Variants in DOCK2 observed in about 807,000 individuals in gnomAD.
The protein encoded by DOCK2 is dedicator of cytokinesis 2, also known as dedicator of cytokinesis protein 2.
A neutral mutation model predicts 248.9 loss-of-function variants in DOCK2; 87 were observed. The ratio of observed to expected loss-of-function variants is 0.35; its 90% CI spans 0.29 to 0.42. DOCK2 has a LOEUF of 0.42. Among genes scored for constraint, DOCK2 ranks in the 10% least tolerant of loss-of-function variants. The pLI is 1.00. For synonymous variants in DOCK2, 805 were observed against 821.6 expected (o/e 0.98, Z 0.35); for missense variants, 1,747 against 2,300.2 (o/e 0.76, Z 4.92).
chr5:169,686,361 G>A (rs985777644), intron 8 of DOCK2, among the ~76,000 whole-genome samples: 1 of 152,230 alleles, frequency 6.6e-6, no homozygotes, highest in Non-Finnish European at 1.5e-5. Flanking sequence ...ATGAATCAGC[G>A]AGGTGGCAGC....
At chr5:169,801,716 A>G (rs959881575) in intron 25 of DOCK2, among the ~76,000 whole-genome samples, 3 of 151,860 alleles carry the variant, frequency 2.0e-5, no homozygotes, top group Non-Finnish European at 4.4e-5. Context: ...TGCCAGAAGG[A>G]GTGGGTGTAG....
intron 26 of DOCK2, among the ~76,000 whole-genome samples, chr5:169,836,014 C>T (rs1348390063): frequency 6.6e-6 from 1 of 152,176 alleles, no homozygotes; most frequent in Non-Finnish European, 1.5e-5. Flanking sequence ...CCTGGGTCTC[C>T]CAAAGTGCTG....
chr5:169,739,314 G>A (rs1055213509), intron 22 of DOCK2, among the ~76,000 whole-genome samples: 20 of 152,176 alleles, frequency 1.3e-4, no homozygotes, highest in African/African-American at 4.1e-4. Context: ...TAATTGTAGA[G>A]GGAAAATGGC....
intron 2 of DOCK2, among the ~76,000 whole-genome samples, chr5:169,656,198 T>C (rs2113193465): frequency 6.6e-6 from 1 of 152,218 alleles, no homozygotes; most frequent in South Asian, 2.1e-4. Context: ...GCAGCAACTC[T>C]CCTCAGTGCC....
chr5:169,734,242 T>A (rs897360740), intron 22 of DOCK2, among the ~76,000 whole-genome samples: 5 of 152,104 alleles, frequency 3.3e-5, no homozygotes, highest in Admixed American at 1.3e-4. Flanking sequence ...TCAAATCTAA[T>A]TTTTTGTTTT....
chr5:170,011,640 C>G (rs540459471), intron 32 of DOCK2, among the ~76,000 whole-genome samples: 85 of 152,170 alleles, frequency 5.6e-4, no homozygotes, highest in Non-Finnish European at 1.1e-3. Flanking sequence ...TTAACAATGC[C>G]TTGTAGCAGT....
At chr5:170,019,184 C>T in intron 33 of DOCK2, 76 bp downstream of exon 33, 1 of 1,600,802 alleles carries the variant, frequency 6.2e-7, no homozygotes, top group Admixed American at 1.7e-5. Flanking sequence ...ATCCTCATTC[C>T]ATCTCCCTGA....
intron 32 of DOCK2, among the ~76,000 whole-genome samples, chr5:170,017,644 T>G (rs1218744315): frequency 3.3e-5 from 5 of 152,244 alleles, no homozygotes; most frequent in African/African-American, 7.2e-5. Context: ...CTTTGATTCT[T>G]TACAATAACC....
intron 33 of DOCK2, among the ~76,000 whole-genome samples, chr5:170,021,185 C>T (rs1167026725): frequency 6.6e-6 from 1 of 152,070 alleles, no homozygotes; most frequent in South Asian, 2.1e-4. Flanking sequence ...AGAAAGAGGC[C>T]GTATCTGAGC....
At chr5:169,826,985 A>G (rs911583382) in intron 26 of DOCK2, among the ~76,000 whole-genome samples, 1 of 144,200 alleles carries the variant, frequency 6.9e-6, no homozygotes, top group Non-Finnish European at 1.5e-5. Context: ...CTGTCTCTGA[A>G]TCCTCAGAAT....
At chr5:169,903,854 C>T (rs1774108093) in intron 27 of DOCK2, among the ~76,000 whole-genome samples, 1 of 151,930 alleles carries the variant, frequency 6.6e-6, no homozygotes. Context: ...AATCCCAGCA[C>T]TTTGGGAGGC....
intron 33 of DOCK2, among the ~76,000 whole-genome samples, chr5:170,021,731 A>G (rs1755735068): frequency 1.3e-5 from 2 of 152,102 alleles, no homozygotes; most frequent in Admixed American, 1.3e-4. Context: ...CCATGTGAAA[A>G]CCAGCTGGCG....
intron 39 of DOCK2, among the ~76,000 whole-genome samples, chr5:170,046,566 G>A (rs1053365417): frequency 4.6e-5 from 7 of 152,192 alleles, no homozygotes; most frequent in African/African-American, 1.2e-4. Context: ...GAGTCAGAAT[G>A]TTAGGAGAGG....
At chr5:169,849,522 A>G (rs1770509022) in intron 27 of DOCK2, among the ~76,000 whole-genome samples, 5 of 152,264 alleles carry the variant, frequency 3.3e-5, no homozygotes, top group Admixed American at 2.6e-4. Flanking sequence ...ATCTAATGAG[A>G]TCACCTATGT....
At position 169,945,469 on chromosome 5, in the gene DOCK2, G is replaced by A. The variant is rs541283349; in HGVS notation, c.2800-37599G>A. The stretch of plus-strand genomic sequence containing the variant: ...GTGTTATTAATTGAGCTGTTACTTC[G>A]TGCCTGGCACAGTGCCAAACACTTT... On this transcript the variant is annotated intron_variant, in intron 27 of 51. Transcript: ENST00000520908. Among the ~76,000 whole-genome samples, 21 of 152,362 alleles carry A rather than the reference G, an allele frequency of 1.4e-4. No individual in the cohort carries two copies. The South Asian group carries it at 2.1e-3, about 15-fold the overall frequency.
chr5:170,004,258 C>T (rs1489867945), intron 30 of DOCK2, among the ~76,000 whole-genome samples: 1 of 152,160 alleles, frequency 6.6e-6, no homozygotes, highest in Non-Finnish European at 1.5e-5. Flanking sequence ...TGAAGTACTT[C>T]CACAATGGTT....
chr5:169,819,636 G>A (rs894049066), intron 26 of DOCK2, among the ~76,000 whole-genome samples: 8 of 152,044 alleles, frequency 5.3e-5, no homozygotes, highest in Non-Finnish European at 7.4e-5. Flanking sequence ...AAACAAAACA[G>A]ATTGGGTTCC....
chr5:169,742,005 A>T (rs1231077448), intron 22 of DOCK2, among the ~76,000 whole-genome samples: 9 of 151,732 alleles, frequency 5.9e-5, no homozygotes, highest in Non-Finnish European at 1.3e-4. Flanking sequence ...TATAGTAGAG[A>T]TGGAGTTTCA....
At chr5:169,936,340 A>G (rs1775994546) in intron 27 of DOCK2, among the ~76,000 whole-genome samples, 1 of 152,176 alleles carries the variant, frequency 6.6e-6, no homozygotes, top group South Asian at 2.1e-4. Flanking sequence ...AAAACATTTT[A>G]GGACGGTTAT....
Sources: allele counts gnomAD v4.1 joint callset (sites outside exome capture counted in the v4.1 genomes callset), GRCh38; gene constraint gnomAD v4.1.1; transcripts MANE v1.5; gene names NCBI Gene and HGNC (gene_info 2026-07-23, HGNC 2026-07-21).